KCNN3: variants seen among roughly 807,000 people sequenced by gnomAD.
KCNN3 encodes the protein small conductance calcium-activated potassium channel protein 3.
A neutral mutation model predicts 62.9 loss-of-function variants in KCNN3; 16 were observed. The ratio of observed to expected loss-of-function variants is 0.25; its 90% CI spans 0.17 to 0.39. The LOEUF is 0.39. KCNN3 is among the 10% of genes least tolerant of loss of function. The pLI is 1.00. For synonymous variants in KCNN3, 370 were observed against 389.2 expected (o/e 0.95, Z 0.58); for missense variants, 599 against 949.4 (o/e 0.63, Z 4.85).
At chr1:154,711,915 G>A (rs1449268514) in intron 7 of KCNN3, among the ~76,000 whole-genome samples, 1 of 151,636 alleles carries the variant, frequency 6.6e-6, no homozygotes, top group Non-Finnish European at 1.5e-5. Flanking sequence ...AGAGGGAGAG[G>A]AAGAGAGAGA....
intron 4 of KCNN3, 70 bp from the exon 5 acceptor site, chr1:154,726,096 C>A: frequency 8.3e-7 from 1 of 1,208,526 alleles, no homozygotes; most frequent in Non-Finnish European, 1.2e-6. Flanking sequence ...AGAGACTCAA[C>A]ACGCCTGGCG....
At chr1:154,841,969 T>C (rs1385322991) in intron 1 of KCNN3, among the ~76,000 whole-genome samples, 3 of 152,126 alleles carry the variant, frequency 2.0e-5, no homozygotes, top group African/African-American at 7.2e-5. Flanking sequence ...CGCGAGAGTG[T>C]AGCCACGTGG....
At chr1:154,734,035 A>G (rs992513085) in intron 3 of KCNN3, among the ~76,000 whole-genome samples, 3 of 152,118 alleles carry the variant, frequency 2.0e-5, no homozygotes, top group Non-Finnish European at 4.4e-5. Flanking sequence ...TGACCCAAAC[A>G]CATGAGGGTC....
intron 2 of KCNN3, among the ~76,000 whole-genome samples, chr1:154,775,794 G>A (rs909786348): frequency 6.6e-6 from 1 of 152,186 alleles, no homozygotes; most frequent in African/African-American, 2.4e-5. Context: ...AAGCCCTAAT[G>A]GCTGCTCAAA....
chr1:154,721,917 C>T (rs953232970), intron 5 of KCNN3, among the ~76,000 whole-genome samples: 1 of 151,546 alleles, frequency 6.6e-6, no homozygotes, highest in African/African-American at 2.4e-5. Context: ...GGCAGTGACA[C>T]TGCGAAGTCA....
chr1:154,735,677 A>G (rs1369612334), intron 3 of KCNN3, among the ~76,000 whole-genome samples: 1 of 152,004 alleles, frequency 6.6e-6, no homozygotes, highest in Non-Finnish European at 1.5e-5. Context: ...GCCCCCTCCC[A>G]GTTCTGCTGT....
At chr1:154,861,468 T>C (rs909403012) in intron 1 of KCNN3, among the ~76,000 whole-genome samples, 2 of 152,294 alleles carry the variant, frequency 1.3e-5, no homozygotes, top group South Asian at 2.1e-4. Flanking sequence ...TGCCCCTGTG[T>C]GCACCACACG....
chr1:154,817,945 G>A (rs1005619814), intron 2 of KCNN3, among the ~76,000 whole-genome samples: 3 of 152,080 alleles, frequency 2.0e-5, no homozygotes, highest in Non-Finnish European at 4.4e-5. Context: ...TGGAGCCAGG[G>A]GCTGCCGGTG....
intron 3 of KCNN3, among the ~76,000 whole-genome samples, chr1:154,735,247 C>T (rs1219794693): frequency 1.3e-5 from 2 of 152,164 alleles, no homozygotes; most frequent in African/African-American, 4.8e-5. Context: ...CAGCCTTTCT[C>T]ACCCACCGGA....
At chr1:154,785,200 C>G (rs111421256) in intron 2 of KCNN3, among the ~76,000 whole-genome samples, 4,409 of 152,310 alleles carry the variant, frequency 0.029, 200 homozygotes, top group African/African-American at 0.1. Context: ...AGGGGAGGAA[C>G]AGCATCATCA....
Position 154,707,034 on chromosome 1 carries a change from G to A in KCNN3, c.*942C>T, listed in dbSNP as rs189929782. 1 of 152,324 alleles carries A rather than the reference G, an allele frequency of 6.6e-6. No individual in the cohort carries two copies. The highest frequency in any genetic ancestry group is 6.5e-5 in the Admixed American group (1 of 15,300). 9.4% of individuals were successfully genotyped at this position (152,324 alleles called of 1,614,324 possible). On this transcript the variant is annotated 3_prime_UTR_variant, in exon 8 of 8. Coordinates refer to ENST00000271915, the MANE Select transcript of KCNN3 (RefSeq NM_002249.6). Reference sequence around the variant, plus strand: ...AACTCTGCAGATGCTGTTATTTTTAGAAGCCTGCTTATCCCTCCTGAATGC... The same window carrying A: ...AACTCTGCAGATGCTGTTATTTTTAAAAGCCTGCTTATCCCTCCTGAATGC...
intron 2 of KCNN3, among the ~76,000 whole-genome samples, chr1:154,791,201 C>G (rs1649498052): frequency 6.8e-6 from 1 of 148,112 alleles, no homozygotes; most frequent in Non-Finnish European, 1.5e-5. Flanking sequence ...CGCACTCCAG[C>G]CTGGGTGACA....
intron 1 of KCNN3, among the ~76,000 whole-genome samples, chr1:154,841,561 G>A (rs187770529): frequency 1.3e-5 from 2 of 152,228 alleles, no homozygotes; most frequent in Non-Finnish European, 2.9e-5. Flanking sequence ...ACTCAGAGAG[G>A]TTAAGTCGCT....
Position 154,869,734 on chromosome 1 carries a change from C to CTGCTGCTGCTGCTGG in KCNN3, c.230_231insCCAGCAGCAGCAGCA (p.Gln76_Gln77insHisGlnGlnGlnGln). On this transcript the variant is annotated inframe_insertion, in exon 1 of 8. Coordinates refer to ENST00000271915, the MANE Select transcript of KCNN3 (RefSeq NM_002249.6). The surrounding 1 kb of genome is among the most constrained non-coding windows in gnomAD (Gnocchi z 6.1). Reference sequence around the variant, plus strand: ...ACAGGGGATGCGGTGGCTGCTGCTGCTGCTGCTGCTGCTGCTGCTGCTGCT... The same window carrying CTGCTGCTGCTGCTGG: ...ACAGGGGATGCGGTGGCTGCTGCTGCTGCTGCTGCTGCTGGTGCTGCTGCTGCTGCTGCTGCTGCT... The CTGCTGCTGCTGCTGG allele has an allele frequency of 6.6e-7, 1 of 1,525,028 alleles. No homozygotes were observed. 94.5% of individuals were successfully genotyped at this position (1,525,028 alleles called of 1,614,324 possible).
chr1:154,866,950 C>T (rs979648559), intron 1 of KCNN3, among the ~76,000 whole-genome samples: 4 of 152,208 alleles, frequency 2.6e-5, no homozygotes, highest in East Asian at 3.9e-4. Flanking sequence ...GTGACTCTCC[C>T]GTCGCGTTAA....
intron 6 of KCNN3, among the ~76,000 whole-genome samples, chr1:154,714,602 T>TG (rs1700190497): frequency 3.4e-5 from 1 of 29,634 alleles, no homozygotes; most frequent in African/African-American, 9.7e-5. Context: ...GTGTGTGATG[T>TG]GTGGTGTGTG....
intron 2 of KCNN3, among the ~76,000 whole-genome samples, chr1:154,793,757 G>A (rs987205330): frequency 2.6e-5 from 4 of 152,258 alleles, no homozygotes; most frequent in African/African-American, 7.2e-5. Flanking sequence ...ACTTGACCTC[G>A]TTAACGTAGT....
chr1:154,842,109 G>T (rs995015996), intron 1 of KCNN3, among the ~76,000 whole-genome samples: 26 of 152,200 alleles, frequency 1.7e-4, no homozygotes, highest in African/African-American at 6.0e-4. Flanking sequence ...CCCACTTCTT[G>T]CTGCCTGTGT....
chr1:154,799,713 G>A (rs568418839), intron 2 of KCNN3, among the ~76,000 whole-genome samples: 14 of 152,344 alleles, frequency 9.2e-5, no homozygotes, highest in African/African-American at 2.6e-4. Flanking sequence ...CTGGGGTGGG[G>A]AGACCTGTGC....
Sources: gnomAD v4.1 joint callset for allele counts (sites outside exome capture counted in the v4.1 genomes callset) on GRCh38, gnomAD v4.1.1 for gene constraint, Gnocchi (gnomAD v3.1) non-coding constraint, MANE v1.5 for transcripts, NCBI Gene and HGNC (gene_info 2026-07-23, HGNC 2026-07-21) for gene names.